Variants in CNTN5 observed in about 807,000 individuals in gnomAD.
The protein encoded by CNTN5 is contactin-5.
Under a neutral mutation model 129.1 loss-of-function variants are expected in CNTN5, and 77 were observed. The observed-to-expected ratio is 0.60, with a 90% CI of 0.50 to 0.72. The LOEUF is 0.72. Ranked by LOEUF, CNTN5 falls within the 30% of genes least tolerant of loss-of-function variation. The pLI is 0.00. For synonymous variants in CNTN5, 509 were observed against 465.6 expected (o/e 1.09, Z -1.20); for missense variants, 1,478 against 1,328.8 (o/e 1.11, Z -1.75).
At chr11:100,235,824 ATTAC>A (rs1949602294) in intron 16 of CNTN5, among the ~76,000 whole-genome samples, 1 of 152,116 alleles carries the variant, frequency 6.6e-6, no homozygotes, top group Admixed American at 6.5e-5. Flanking sequence ...GTGGGTACCA[ATTAC>A]TTACTGCCCA....
At chr11:99,080,203 G>A (rs1388170039) in intron 1 of CNTN5, among the ~76,000 whole-genome samples, 1 of 152,182 alleles carries the variant, frequency 6.6e-6, no homozygotes, top group Non-Finnish European at 1.5e-5. Context: ...AGACTGTAAA[G>A]TGGAGTTCAA....
chr11:99,900,547 A>T lies in CNTN5; in HGVS notation c.578-15507A>T, dbSNP rs531471940. On this transcript the variant is annotated intron_variant, in intron 6 of 24. Transcript: ENST00000524871. ...GTTACATTTCTACTTTCATTCATTA[A>T]TTTTTTTTTTATTTCTGACTTGATG... is the stretch of plus-strand genomic sequence containing the variant. Among the ~76,000 whole-genome samples, 1,287 of 149,808 alleles carry T rather than the reference A, an allele frequency of 8.6e-3. 14 individuals are homozygous for T. Among genetic ancestry groups the T allele is most frequent in the Non-Finnish European group, 0.012 (840 of 67,212 alleles).
intron 3 of CNTN5, among the ~76,000 whole-genome samples, chr11:99,792,589 C>CTG (rs1305464597): frequency 2.9e-5 from 4 of 136,148 alleles, no homozygotes; most frequent in Non-Finnish European, 1.6e-5. Context: ...GTCTGTCTGT[C>CTG]TGTCTGTCTG....
intron 15 of CNTN5, among the ~76,000 whole-genome samples, chr11:100,209,040 A>T (rs548101673): frequency 6.6e-6 from 1 of 152,326 alleles, no homozygotes; most frequent in Non-Finnish European, 1.5e-5. Flanking sequence ...GCACGCACGC[A>T]ATGCAATTGT....
Position 99,714,262 on chromosome 11 carries a change from G to T in CNTN5, c.56-105282G>T, listed in dbSNP as rs531180518. 7.9e-5 allele frequency among the ~76,000 whole-genome samples: 12 copies of T among 151,992 alleles called. No homozygotes were observed. The South Asian group carries it at 1.9e-3, about 24-fold the overall frequency. ...CCAAGTGGAAGCGTTATATTTCATT[G>T]TATATTTCTTGTGTTCCTCTATAAA... On this transcript the variant is annotated intron_variant, in intron 3 of 24. Transcript: ENST00000524871.
chr11:100,157,640 T>A (rs1214189426), intron 13 of CNTN5, among the ~76,000 whole-genome samples: 3 of 151,762 alleles, frequency 2.0e-5, no homozygotes, highest in African/African-American at 7.2e-5. Context: ...ATTGTAAAGA[T>A]TCACATAAAG....
chr11:99,393,962 A>G (rs1241183042), intron 2 of CNTN5, among the ~76,000 whole-genome samples: 2 of 151,788 alleles, frequency 1.3e-5, no homozygotes, highest in East Asian at 3.9e-4. Context: ...TTAAAAATTA[A>G]AATTACTTAA....
At chr11:99,853,669 T>C (rs1947946372) in intron 6 of CNTN5, among the ~76,000 whole-genome samples, 1 of 152,136 alleles carries the variant, frequency 6.6e-6, no homozygotes, top group African/African-American at 2.4e-5. Flanking sequence ...CCTGAGCCAC[T>C]GCACCCGGCT....
chr11:99,626,632 T>TTA, intron 3 of CNTN5, among the ~76,000 whole-genome samples: 1 of 152,226 alleles, frequency 6.6e-6, no homozygotes. Context: ...GTCATTTTAT[T>TTA]TTTTTTGTAT....
intron 2 of CNTN5, among the ~76,000 whole-genome samples, chr11:99,338,347 G>A: frequency 6.6e-6 from 1 of 151,960 alleles, no homozygotes; most frequent in African/African-American, 2.4e-5. Context: ...TTTTATTGAG[G>A]GGCATAATAA....
chr11:99,190,140 A>C, intron 1 of CNTN5, among the ~76,000 whole-genome samples: 1 of 151,690 alleles, frequency 6.6e-6, no homozygotes, highest in Admixed American at 6.6e-5. Context: ...AACATCATTT[A>C]TTGAAGAGAC....
intron 3 of CNTN5, among the ~76,000 whole-genome samples, chr11:99,620,495 CT>C (rs1025380114): frequency 3.5e-4 from 44 of 126,386 alleles, no homozygotes; most frequent in Middle Eastern, 4.5e-3. Flanking sequence ...TCTTAAAACT[CT>C]TTTTTTCTTT....
intron 2 of CNTN5, among the ~76,000 whole-genome samples, chr11:99,347,562 G>A (rs983141228): frequency 3.9e-5 from 6 of 152,162 alleles, no homozygotes; most frequent in Admixed American, 6.5e-5. Context: ...CTGTTAGGCA[G>A]TTCAGTCCCA....
chr11:99,032,493 T>G (rs1054544504), intron 1 of CNTN5, among the ~76,000 whole-genome samples: 12 of 151,066 alleles, frequency 7.9e-5, no homozygotes, highest in Non-Finnish European at 1.6e-4. Context: ...ATTGTGGTTT[T>G]GATTTGCATT....
chr11:100,047,251 CTT>C (rs967913242), intron 9 of CNTN5, among the ~76,000 whole-genome samples: 12 of 105,862 alleles, frequency 1.1e-4, no homozygotes, highest in African/African-American at 4.8e-4. Flanking sequence ...CATAAAACCT[CTT>C]TGAACACCAT....
At chr11:99,751,656 T>C (rs9666475) in intron 3 of CNTN5, among the ~76,000 whole-genome samples, 43,665 of 152,054 alleles carry the variant, frequency 0.29, 7,493 homozygotes, top group East Asian at 0.66. Flanking sequence ...ACATGTTATT[T>C]GCTCTGTAAT....
chr11:100,172,217 C>A (rs73567905), intron 13 of CNTN5, among the ~76,000 whole-genome samples: 5,107 of 151,948 alleles, frequency 0.034, 296 homozygotes, highest in African/African-American at 0.12. Context: ...TCACTCCCTG[C>A]CACCCAACTG....
chr11:99,490,980 C>A (rs1946012954), intron 2 of CNTN5, among the ~76,000 whole-genome samples: 1 of 152,012 alleles, frequency 6.6e-6, no homozygotes. Context: ...AAACAGAATA[C>A]TGGTAAGGCC....
chr11:100,030,003 A>G (rs185857739), intron 9 of CNTN5, among the ~76,000 whole-genome samples: 2 of 152,320 alleles, frequency 1.3e-5, no homozygotes, highest in African/African-American at 2.4e-5. Flanking sequence ...AACTGAATAA[A>G]TGTCAGCATT....
Sources: allele counts gnomAD v4.1 joint callset (sites outside exome capture counted in the v4.1 genomes callset), GRCh38; gene constraint gnomAD v4.1.1; transcripts MANE v1.5; gene names NCBI Gene and HGNC (gene_info 2026-07-23, HGNC 2026-07-21).